Variants in BMPR1B observed in about 807,000 individuals in gnomAD.
The protein encoded by BMPR1B is bone morphogenetic protein receptor type-1B.
BMPR1B carries 12 observed loss-of-function variants against 59.1 expected under a neutral mutation model. The ratio of observed to expected loss-of-function variants is 0.20; its 90% CI spans 0.13 to 0.33. The LOEUF is 0.33. Among genes scored for constraint, BMPR1B ranks in the 10% least tolerant of loss-of-function variants. BMPR1B has a pLI of 1.00. For synonymous variants in BMPR1B, 237 were observed against 207.3 expected, an observed-to-expected ratio of 1.14 and a Z score of -1.23; for missense variants, 550 against 610.9, an observed-to-expected ratio of 0.90 and a Z score of 1.05.
Position 95,060,003 on chromosome 4 carries a change from T to C in BMPR1B, c.-17-44405T>C, listed in dbSNP as rs533976352. ...AGCACTGGCTGAGCACTTGCTGCAA[T>C]GGCCATTGAGTACAAATTAGCTGGT... On this transcript the variant is annotated intron_variant, in intron 3 of 12. Coordinates refer to ENST00000515059, the MANE Select transcript of BMPR1B (RefSeq NM_001203.3). Among the ~76,000 whole-genome samples, 40 of 152,330 alleles carry C rather than the reference T, an allele frequency of 2.6e-4. No individual in the cohort carries two copies. The South Asian group carries it at 7.5e-3, about 28-fold the overall frequency.
At chr4:94,912,275 A>T (rs1384411183) in intron 2 of BMPR1B, among the ~76,000 whole-genome samples, 4 of 152,170 alleles carry the variant, frequency 2.6e-5, no homozygotes, top group Admixed American at 6.6e-5. Context: ...ACCATATCAC[A>T]CAATAAATAT....
At chr4:94,898,310 A>C (rs16996449) in intron 2 of BMPR1B, among the ~76,000 whole-genome samples, 1 of 151,892 alleles carries the variant, frequency 6.6e-6, no homozygotes, top group Non-Finnish European at 1.5e-5. Flanking sequence ...CTTAGACTAG[A>C]TATTCTCTTC....
At chr4:95,135,563 G>C (rs1733711815) in intron 10 of BMPR1B, among the ~76,000 whole-genome samples, 1 of 152,156 alleles carries the variant, frequency 6.6e-6, no homozygotes, top group South Asian at 2.1e-4. Flanking sequence ...AGTTCTCCTT[G>C]AAGAGGTCCT....
intron 3 of BMPR1B, among the ~76,000 whole-genome samples, chr4:95,080,167 G>A (rs374245072): frequency 9.9e-5 from 15 of 152,000 alleles, no homozygotes; most frequent in East Asian, 5.8e-4. Flanking sequence ...TACTCACTCC[G>A]TTCTCTTCCA....
At chr4:95,071,933 T>C (rs952354186) in intron 3 of BMPR1B, among the ~76,000 whole-genome samples, 1 of 151,888 alleles carries the variant, frequency 6.6e-6, no homozygotes, top group Non-Finnish European at 1.5e-5. Flanking sequence ...GTGTGTCTGT[T>C]TGTGTGCATG....
chr4:94,877,602 A>G (rs1446914999), intron 2 of BMPR1B, among the ~76,000 whole-genome samples: 1 of 152,254 alleles, frequency 6.6e-6, no homozygotes, highest in East Asian at 1.9e-4. Context: ...TCTAGATCCT[A>G]CATCCCCTAC....
In BMPR1B at chr4:95,026,114, C is replaced by CTTTCTT. The variant is rs1553928478; in HGVS notation, c.-18+29982_-18+29987dup. On this transcript the variant is annotated intron_variant, in intron 3 of 12. Transcript: ENST00000515059. Reference sequence around the variant, plus strand: ...CTTTCTTTCATTTCTTTCTTTCTTTCTTTCTTTCTTTCTTTCTTTCTTTCT... The same window carrying CTTTCTT: ...CTTTCTTTCATTTCTTTCTTTCTTTCTTTCTTTTTCTTTCTTTCTTTCTTTCTTTCT... Among the ~76,000 whole-genome samples the CTTTCTT allele has an allele frequency of 2.1e-5, 3 of 142,624 alleles. No individual in the cohort carries two copies. In the East Asian group the frequency reaches 6.2e-4, roughly 29 times the overall value. 93.6% of individuals were successfully genotyped at this position (142,624 alleles called of 152,430 possible).
At chr4:94,994,665 A>G (rs1721947213) in intron 2 of BMPR1B, among the ~76,000 whole-genome samples, 1 of 151,924 alleles carries the variant, frequency 6.6e-6, no homozygotes, top group African/African-American at 2.4e-5. Flanking sequence ...GTGGATTTCA[A>G]ATAGTTTGAA....
intron 3 of BMPR1B, among the ~76,000 whole-genome samples, chr4:95,079,795 C>A (rs1453380484): frequency 2.7e-5 from 4 of 150,266 alleles, no homozygotes; most frequent in East Asian, 1.9e-4. Flanking sequence ...TGATAACTTA[C>A]AACCCAAAAC....
At chr4:94,859,295 G>A (rs186592016) in intron 1 of BMPR1B, among the ~76,000 whole-genome samples, 74 of 152,188 alleles carry the variant, frequency 4.9e-4, no homozygotes, top group Admixed American at 1.7e-3. Context: ...TTTTTAACAG[G>A]ATTTTAAAAA....
Position 94,837,485 on chromosome 4 carries a change from G to A in BMPR1B, c.-182-38346G>A, listed in dbSNP as rs1437383490. ...AAGAGGTCCTTCACATCCCTTGGAA[G>A]TTGGATTCCTGGGTATTTTATTGTC... On this transcript the variant is annotated intron_variant, in intron 1 of 12. Transcript: ENST00000515059. 2.8e-5 allele frequency among the ~76,000 whole-genome samples: 4 copies of A among 144,936 alleles called. No individual in the cohort carries two copies. In the East Asian group the frequency reaches 7.7e-4, roughly 28 times the overall value.
chr4:95,114,902 T>G (rs754749508), intron 5 of BMPR1B, 80 bp downstream of exon 5: 5 of 1,365,404 alleles, frequency 3.7e-6, no homozygotes, highest in Non-Finnish European at 5.2e-6. Flanking sequence ...ACCATTCTTT[T>G]TCTTGGCCAG....
chr4:94,817,239 T>G (rs1174465951), intron 1 of BMPR1B, among the ~76,000 whole-genome samples: 2 of 152,218 alleles, frequency 1.3e-5, no homozygotes, highest in Non-Finnish European at 2.9e-5. Flanking sequence ...AGGTATTTTG[T>G]TATAGCAGCA....
At chr4:95,106,895 G>A (rs1241661806) in intron 4 of BMPR1B, among the ~76,000 whole-genome samples, 1 of 151,604 alleles carries the variant, frequency 6.6e-6, no homozygotes, top group African/African-American at 2.4e-5. Flanking sequence ...TCATGCTGCT[G>A]TTTGAGTTTA....
intron 3 of BMPR1B, among the ~76,000 whole-genome samples, chr4:95,068,115 C>G (rs561843625): frequency 3.5e-4 from 54 of 152,248 alleles, no homozygotes; most frequent in African/African-American, 1.3e-3. Context: ...AGATTTTAAA[C>G]AGGGGAATGA....
intron 4 of BMPR1B, among the ~76,000 whole-genome samples, chr4:95,106,940 T>A (rs928790881): frequency 1.7e-4 from 26 of 151,890 alleles, no homozygotes; most frequent in African/African-American, 6.3e-4. Context: ...TTTTTTTTTA[T>A]TTTGGATCAG....
intron 3 of BMPR1B, among the ~76,000 whole-genome samples, chr4:95,071,601 T>G (rs965470241): frequency 6.7e-6 from 1 of 148,634 alleles, no homozygotes; most frequent in Admixed American, 6.8e-5. Flanking sequence ...TTGCAATCAG[T>G]AAAGCATAGA....
chr4:94,880,616 C>T (rs192047485), intron 2 of BMPR1B, among the ~76,000 whole-genome samples: 7 of 150,960 alleles, frequency 4.6e-5, no homozygotes, highest in Admixed American at 1.3e-4. Flanking sequence ...TGAATCACTG[C>T]GCCTGACCAT....
intron 10 of BMPR1B, 148 bp downstream of exon 10, chr4:95,131,660 C>T: frequency 2.2e-6 from 2 of 924,382 alleles, no homozygotes; most frequent in Non-Finnish European, 3.3e-6. Flanking sequence ...ATTTTATTAG[C>T]AACACAGCAT....
Sources: gnomAD v4.1 joint callset for allele counts (sites outside exome capture counted in the v4.1 genomes callset) on GRCh38, gnomAD v4.1.1 for gene constraint, MANE v1.5 for transcripts, NCBI Gene and HGNC (gene_info 2026-07-23, HGNC 2026-07-21) for gene names.